Variants in PACS2 observed in about 807,000 individuals in gnomAD.
PACS2 encodes PACS1-like protein.
A neutral mutation model predicts 113.0 loss-of-function variants in PACS2; 36 were observed. The observed-to-expected ratio is 0.32, with a 90% CI of 0.24 to 0.42. PACS2 has a LOEUF of 0.42. Among genes scored for constraint, PACS2 ranks in the 10% least tolerant of loss-of-function variants. The pLI is 1.00. For missense variants in PACS2, 1,015 were observed against 1,239.5 expected (o/e 0.82, Z 2.72); for synonymous variants, 589 against 536.1 (o/e 1.10, Z -1.36).
chr14:105,364,978 G>C (rs965072492), intron 4 of PACS2, among the ~76,000 whole-genome samples: 1 of 152,196 alleles, frequency 6.6e-6, no homozygotes, highest in African/African-American at 2.4e-5. Context: ...GATTACAGGC[G>C]TGAACCATTA....
At chr14:105,380,846 AC>A in intron 11 of PACS2, 110 bp from the exon 12 acceptor site, 1 of 1,064,856 alleles carries the variant, frequency 9.4e-7, no homozygotes, top group Non-Finnish European at 1.3e-6. Context: ...TGTAGGAGCC[AC>A]GGCCTAGAGA....
chr14:105,349,023 C>G (rs1450645417), intron 2 of PACS2, among the ~76,000 whole-genome samples: 1 of 152,242 alleles, frequency 6.6e-6, no homozygotes, highest in Non-Finnish European at 1.5e-5. Flanking sequence ...GGCCTCTCTC[C>G]TGACCCTAGT....
intron 4 of PACS2, among the ~76,000 whole-genome samples, chr14:105,362,997 T>C (rs2060790855): frequency 6.6e-6 from 1 of 152,128 alleles, no homozygotes; most frequent in Admixed American, 6.5e-5. Flanking sequence ...CAATGAGCAG[T>C]CATATTTTGA....
intron 1 of PACS2, among the ~76,000 whole-genome samples, chr14:105,303,968 C>T (rs144095789): frequency 6.6e-6 from 1 of 152,336 alleles, no homozygotes; most frequent in African/African-American, 2.4e-5. Context: ...CAATCTGAGG[C>T]CATGTGGCCA....
chr14:105,369,791 G>A (rs374182891), intron 7 of PACS2, 50 bp from the exon 8 acceptor site: 173 of 1,474,194 alleles, frequency 1.2e-4, no homozygotes, highest in Middle Eastern at 1.7e-4. Context: ...CTCCAGCGGC[G>A]GGTCTGCAGC....
rs587616547 is a variant in PACS2, at chr14:105,357,158, C to T, written c.423+1981C>T. 1.0e-3 allele frequency among the ~76,000 whole-genome samples: 154 copies of T among 152,254 alleles called. No homozygotes were observed. The highest frequency in any genetic ancestry group is 1.6e-3 in the Non-Finnish European group (111 of 68,012). On this transcript the variant is annotated intron_variant, in intron 4 of 24. Coordinates refer to ENST00000447393, the MANE Select transcript of PACS2 (RefSeq NM_001100913.3). The surrounding 1 kb of genome is among the most constrained non-coding windows in gnomAD (Gnocchi z 5.1). ...TCAGCACTGGTGCTTCTGTGTTTGA[C>T]GTCCTTGCCCTGAATGCTGGCCTCT...
rs2060353817 is a variant in PACS2, at chr14:105,354,479, C to G, written c.298-573C>G. On this transcript the variant is annotated intron_variant, in intron 3 of 24. Coordinates refer to ENST00000447393, the MANE Select transcript of PACS2 (RefSeq NM_001100913.3). The surrounding 1 kb of genome is among the most constrained non-coding windows in gnomAD (Gnocchi z 4.2). The stretch of plus-strand genomic sequence containing the variant: ...CCACCGCAGTTAGGGTGGTGAACAG[C>G]CCCATTTTCCCCTAAGTATTTAAAC... 1.3e-5 allele frequency among the ~76,000 whole-genome samples: 2 copies of G among 152,124 alleles called. No individual in the cohort carries two copies. Among genetic ancestry groups the G allele is most frequent in the Non-Finnish European group, 2.9e-5 (2 of 68,020 alleles).
intron 1 of PACS2, among the ~76,000 whole-genome samples, chr14:105,331,322 G>GTCATTTTGA (rs2059295537): frequency 6.6e-6 from 1 of 152,176 alleles, no homozygotes; most frequent in Non-Finnish European, 1.5e-5. Context: ...ATGTATTCCT[G>GTCATTTTGA]TCATTTTGAT....
rs1413307500 is a variant in PACS2, at chr14:105,397,030, CAG to C, written c.*2361_*2362del. ...TAGCCACGCAAGGGGAGAACATGGG[CAG>C]AGTCTCCATCCAGCAGCTGGGGGTT... On this transcript the variant is annotated 3_prime_UTR_variant, in exon 25 of 25. Coordinates refer to ENST00000447393, the MANE Select transcript of PACS2 (RefSeq NM_001100913.3). 1 of 152,268 alleles carries C rather than the reference CAG, an allele frequency of 6.6e-6. No individual in the cohort carries two copies. Among genetic ancestry groups the C allele is most frequent in the African/African-American group, 2.4e-5 (1 of 41,438 alleles). 9.4% of individuals were successfully genotyped at this position (152,268 alleles called of 1,614,324 possible).
Position 105,394,615 on chromosome 14 carries a change from C to A in PACS2, c.2658C>A (p.Ser886=). The A allele has an allele frequency of 6.2e-7, 1 of 1,613,504 alleles. No individual in the cohort carries two copies. The highest frequency in any genetic ancestry group is 8.5e-7 in the Non-Finnish European group (1 of 1,179,996). ...TCTTCCAGCTGGCCGCGCAGTGGTC[C>A]TCGCACGTGAAGCACTTCCCCATCT... ...VKFFQLAAQW[S]SHVKHFPICI... The change falls in exon 25 of 25, where the codon TCC becomes TCA. Residue 886 remains serine (S), a synonymous_variant. Transcript: ENST00000447393.
chr14:105,330,412 G>A lies in PACS2; in HGVS notation c.119+15375G>A, dbSNP rs587735753. ...AGGTTGTGAAGGGCGTGTGGGTTCC[G>A]GGAGGCTCACTATAGTGATGTCCTG... On this transcript the variant is annotated intron_variant, in intron 1 of 24. Coordinates refer to ENST00000447393, the MANE Select transcript of PACS2 (RefSeq NM_001100913.3). The surrounding 1 kb of genome is among the most constrained non-coding windows in gnomAD (Gnocchi z 6.9). Among the ~76,000 whole-genome samples the A allele has an allele frequency of 6.6e-6, 1 of 152,268 alleles. No individual in the cohort carries two copies. The highest frequency in any genetic ancestry group is 1.9e-4 in the East Asian group (1 of 5,174).
At position 105,368,885 on chromosome 14, in the gene PACS2, G is replaced by C. The variant is rs1449967072; in HGVS notation, c.741+346G>C. Reference sequence around the variant, plus strand: ...TGCCCACATACACCTGAGTGGGCTGGTTCCCCCATTTTTGTTTGGGATCTG... The same window carrying C: ...TGCCCACATACACCTGAGTGGGCTGCTTCCCCCATTTTTGTTTGGGATCTG... On this transcript the variant is annotated intron_variant, in intron 7 of 24. Coordinates refer to ENST00000447393, the MANE Select transcript of PACS2 (RefSeq NM_001100913.3). Among the ~76,000 whole-genome samples the C allele has an allele frequency of 3.3e-5, 5 of 152,210 alleles. No individual in the cohort carries two copies. The East Asian group carries it at 9.6e-4, about 29-fold the overall frequency.
chr14:105,349,342 CCTT>C (rs1390649186), intron 2 of PACS2, among the ~76,000 whole-genome samples: 7 of 152,336 alleles, frequency 4.6e-5, no homozygotes, highest in South Asian at 2.1e-4. Flanking sequence ...ACAGGAGTGT[CCTT>C]CTGTGTGGCC....
chr14:105,350,108 C>T (rs1373024244), intron 2 of PACS2, among the ~76,000 whole-genome samples: 1 of 152,058 alleles, frequency 6.6e-6, no homozygotes, highest in Non-Finnish European at 1.5e-5. Context: ...GCCTGTCCTG[C>T]CCATGGGTGT....
chr14:105,307,877 C>T (rs1328637822), intron 1 of PACS2, among the ~76,000 whole-genome samples: 1 of 152,228 alleles, frequency 6.6e-6, no homozygotes, highest in Non-Finnish European at 1.5e-5. Context: ...TCCAGTCCAC[C>T]TTCCACCACA....
chr14:105,348,655 G>A lies in PACS2; in HGVS notation c.207+75G>A, dbSNP rs782537759. 13 of 1,092,692 alleles carry A rather than the reference G, an allele frequency of 1.2e-5. No homozygotes were observed. The highest frequency in any genetic ancestry group is 6.2e-5 in the South Asian group (5 of 80,338). 67.7% of individuals were successfully genotyped at this position (1,092,692 alleles called of 1,614,324 possible). A position where few individuals can be genotyped will look rare whatever the true frequency, so the allele number is the denominator to read the frequency against. On this transcript the variant is annotated intron_variant, in intron 2 of 24. Coordinates refer to ENST00000447393, the MANE Select transcript of PACS2 (RefSeq NM_001100913.3). This position sits in a 1 kb window ranked among gnomAD's most constrained non-coding sequence, Gnocchi z 6.4. ...CATGTGCCTGGGAGACGAGTCAGGCGGTGCGCTACTGTGGGGCCTTGTGCC... is the reference window on the plus strand; with the variant it reads ...CATGTGCCTGGGAGACGAGTCAGGCAGTGCGCTACTGTGGGGCCTTGTGCC...
At chr14:105,364,967 G>T (rs1555407604) in intron 4 of PACS2, among the ~76,000 whole-genome samples, 1 of 152,214 alleles carries the variant, frequency 6.6e-6, no homozygotes, top group African/African-American at 2.4e-5. Flanking sequence ...CAAAGTGTTA[G>T]GATTACAGGC....
At chr14:105,384,264 G>A in intron 16 of PACS2, 89 bp from the exon 17 acceptor site, 1 of 731,870 alleles carries the variant, frequency 1.4e-6, no homozygotes, top group South Asian at 1.6e-5. Flanking sequence ...CACAGGCCTG[G>A]GGTCGGGTGG....
Position 105,360,278 on chromosome 14 carries a change from G to A in PACS2, c.423+5101G>A, listed in dbSNP as rs184453110. Among the ~76,000 whole-genome samples the A allele has an allele frequency of 3.4e-3, 522 of 152,254 alleles. 5 individuals carry two copies. The highest frequency in any genetic ancestry group is 0.012 in the African/African-American group (498 of 41,528). ...GCTAAAGCTGGGTGCGGTGGCTCAT[G>A]CCTGTAATCCCAGCACTTTGGGAGG... On this transcript the variant is annotated intron_variant, in intron 4 of 24. Coordinates refer to ENST00000447393, the MANE Select transcript of PACS2 (RefSeq NM_001100913.3).
Sources: gnomAD v4.1 joint callset for allele counts (sites outside exome capture counted in the v4.1 genomes callset) on GRCh38, gnomAD v4.1.1 for gene constraint, Gnocchi (gnomAD v3.1) non-coding constraint, MANE v1.5 for transcripts, NCBI Gene and HGNC (gene_info 2026-07-23, HGNC 2026-07-21) for gene names.